The following RBP2 variants were observed in gnomAD, a reference collection of about 807,000 sequenced individuals.
RBP2 encodes the protein retinol-binding protein 2.
Under a neutral mutation model 17.0 loss-of-function variants are expected in RBP2, and 17 were observed. That is an observed-to-expected ratio of 1.00 (90% CI 0.68 to 1.50). The LOEUF (loss-of-function observed/expected upper bound fraction) is 1.50, where lower values mean the gene tolerates loss of function less well. Ranked by LOEUF, RBP2 falls within the 40% of genes most tolerant of loss-of-function variation. The probability of loss-of-function intolerance (pLI) is 0.00; values close to 1 mark genes in which losing one functional copy is unlikely to be tolerated. For missense variants in RBP2, 158 were observed against 168.2 expected (o/e 0.94, Z 0.33); for synonymous variants, 48 against 57.1 (o/e 0.84, Z 0.72).
intron 1 of RBP2, among the ~76,000 whole-genome samples, chr3:139,463,120 A>G (rs933161166): frequency 2.0e-5 from 3 of 152,194 alleles, no homozygotes; most frequent in African/African-American, 4.8e-5. Flanking sequence ...GGTGTGAACC[A>G]TCATGCCTGG....
At position 139,462,059 on chromosome 3, in the gene RBP2, G is replaced by A. The variant is rs1043320356; in HGVS notation, c.252+53C>T. 2.6e-6 allele frequency: 4 copies of A among 1,550,584 alleles called. No individual in the cohort carries two copies. In the African/African-American group the frequency reaches 4.6e-5, roughly 18 times the overall value. ...TTTTTTTTCATCATGATACCAAATA[G>A]CCAGCCCCTGGCACAGAATGTGTGA... On this transcript the variant is annotated intron_variant, in intron 2 of 3. Coordinates refer to ENST00000232217, the MANE Select transcript of RBP2 (RefSeq NM_004164.3).
chr3:139,461,127 T>C (rs1271462260), intron 2 of RBP2, among the ~76,000 whole-genome samples: 2 of 152,172 alleles, frequency 1.3e-5, no homozygotes, highest in African/African-American at 2.4e-5. Flanking sequence ...ACAGGCACAC[T>C]GAGCATGAAT....
rs556791725 is a variant in RBP2 at position 139,453,248 on chromosome 3, G to T, written c.355-82C>A. 11 of 1,515,520 alleles carry T rather than the reference G, an allele frequency of 7.3e-6. No individual in the cohort carries two copies. In the South Asian group the frequency reaches 1.3e-4, roughly 17 times the overall value. 93.9% of individuals were successfully genotyped at this position (1,515,520 alleles called of 1,614,324 possible). ...CCCTCAGCCCCCTTGGTATCTGGGG[G>T]TGGGAGGTTGGAATAAAGAGGACAC... On this transcript the variant is annotated intron_variant, in intron 3 of 3. Coordinates refer to ENST00000232217, the MANE Select transcript of RBP2 (RefSeq NM_004164.3).
At chr3:139,462,558 A>AACACACACACACATACACACAC (rs1933225786) in intron 1 of RBP2, among the ~76,000 whole-genome samples, 2 of 121,348 alleles carry the variant, frequency 1.6e-5, no homozygotes, top group Non-Finnish European at 3.3e-5. Flanking sequence ...GCAGCTCCCC[A>AACACACACACACATACACACAC]ACACACACAC....
rs566125683 is a variant in RBP2, at chr3:139,461,425, G to A, written c.252+687C>T. On this transcript the variant is annotated intron_variant, in intron 2 of 3. Coordinates refer to ENST00000232217, the MANE Select transcript of RBP2 (RefSeq NM_004164.3). ...CTGGCCTTCTGATACATGGAGAGTT[G>A]CCTAGATTATCCCTTGTTGGTTAAG... 1.0e-3 allele frequency among the ~76,000 whole-genome samples: 159 copies of A among 152,240 alleles called. 2 individuals are homozygous for A. Among genetic ancestry groups the A allele is most frequent in the African/African-American group, 3.6e-3 (151 of 41,552 alleles).
At chr3:139,471,965 C>G (rs1933583662) in intron 1 of RBP2, among the ~76,000 whole-genome samples, 1 of 152,236 alleles carries the variant, frequency 6.6e-6, no homozygotes, top group East Asian at 1.9e-4. Context: ...GTGCAGCACA[C>G]TGACTTAAAG....
intron 2 of RBP2, among the ~76,000 whole-genome samples, chr3:139,457,609 A>G (rs1933019325): frequency 6.6e-6 from 1 of 152,246 alleles, no homozygotes; most frequent in South Asian, 2.1e-4. Flanking sequence ...ATATAAAAAT[A>G]AGAAGCAGAA....
intron 2 of RBP2, among the ~76,000 whole-genome samples, chr3:139,460,029 G>T (rs1458021342): frequency 6.6e-6 from 1 of 152,174 alleles, no homozygotes; most frequent in African/African-American, 2.4e-5. Context: ...GGCTGGAAGG[G>T]TGATTTATTT....
rs143065137 is a variant in RBP2 at position 139,461,255 on chromosome 3, A to G, written c.252+857T>C. Among the ~76,000 whole-genome samples, 676 of 152,258 alleles carry G rather than the reference A, an allele frequency of 4.4e-3. 7 individuals are homozygous for G. The highest frequency in any genetic ancestry group is 0.016 in the African/African-American group (657 of 41,554). On this transcript the variant is annotated intron_variant, in intron 2 of 3. Transcript: ENST00000232217. ...TCTCCCTGCTGCCTCTGCCTTATTT[A>G]CAAACAGCTCCTGTGGGCAAGAGCC...
intron 3 of RBP2, among the ~76,000 whole-genome samples, chr3:139,453,730 T>G (rs1943349672): frequency 6.6e-6 from 1 of 152,166 alleles, no homozygotes. Flanking sequence ...TCACTGATCC[T>G]CGAAGGAGGA....
At chr3:139,471,171 C>T (rs1360013125) in intron 1 of RBP2, among the ~76,000 whole-genome samples, 6 of 152,212 alleles carry the variant, frequency 3.9e-5, no homozygotes, top group Non-Finnish European at 8.8e-5. Flanking sequence ...ATGCCTAGAG[C>T]ACTTCCTGAT....
chr3:139,455,610 A>G (rs1576419045), intron 2 of RBP2, among the ~76,000 whole-genome samples: 1 of 152,260 alleles, frequency 6.6e-6, no homozygotes. Context: ...TAGAAATTCT[A>G]CTTCTGGGAA....
At chr3:139,460,914 C>T (rs1385721018) in intron 2 of RBP2, among the ~76,000 whole-genome samples, 1 of 152,152 alleles carries the variant, frequency 6.6e-6, no homozygotes, top group Non-Finnish European at 1.5e-5. Flanking sequence ...GTATAAAATG[C>T]ATGGGCATAG....
intron 1 of RBP2, among the ~76,000 whole-genome samples, chr3:139,474,687 G>C (rs780262947): frequency 6.6e-6 from 1 of 152,170 alleles, no homozygotes; most frequent in Non-Finnish European, 1.5e-5. Flanking sequence ...TGAGGAAACC[G>C]AGGTTCCAAA....
chr3:139,454,304 C>T (rs1943358313), intron 3 of RBP2, among the ~76,000 whole-genome samples: 1 of 152,038 alleles, frequency 6.6e-6, no homozygotes, highest in East Asian at 1.9e-4. Flanking sequence ...AGGTCAATAC[C>T]TGTGGCAGTT....
At chr3:139,454,682 C>CGT (rs745433303) in intron 3 of RBP2, 47 bp downstream of exon 3, 1 of 1,569,602 alleles carries the variant, frequency 6.4e-7, no homozygotes, top group Non-Finnish European at 8.8e-7. Flanking sequence ...ACCACAGTAG[C>CGT]GTGTGTAAGC....
intron 1 of RBP2, among the ~76,000 whole-genome samples, chr3:139,471,623 G>T (rs1933572690): frequency 6.6e-6 from 1 of 152,162 alleles, no homozygotes; most frequent in South Asian, 2.1e-4. Flanking sequence ...CCTAAAAGAG[G>T]TATAAATTTA....
chr3:139,462,738 TTTTG>T (rs1933235816), intron 1 of RBP2, among the ~76,000 whole-genome samples: 1 of 152,236 alleles, frequency 6.6e-6, no homozygotes, highest in African/African-American at 2.4e-5. Flanking sequence ...CTTAGGAAAC[TTTTG>T]TTAATGTCCA....
intron 1 of RBP2, among the ~76,000 whole-genome samples, chr3:139,467,373 A>G (rs1332252091): frequency 6.6e-6 from 1 of 152,220 alleles, no homozygotes; most frequent in Non-Finnish European, 1.5e-5. Context: ...GGCCCACCCT[A>G]GACCTATAAA....
Sources: allele counts gnomAD v4.1 joint callset (sites outside exome capture counted in the v4.1 genomes callset), GRCh38; gene constraint gnomAD v4.1.1; transcripts MANE v1.5; gene names NCBI Gene and HGNC (gene_info 2026-07-23, HGNC 2026-07-21).